Variants in SOX5 observed in about 807,000 individuals in gnomAD.
SOX5 encodes the protein SRY-box transcription factor 5, also known as transcription factor SOX-5.
Under a neutral mutation model 92.0 loss-of-function variants are expected in SOX5, and 9 were observed. The ratio of observed to expected loss-of-function variants is 0.10; its 90% CI spans 0.06 to 0.17. The LOEUF is 0.17. SOX5 is among the 10% of genes least tolerant of loss of function. The probability of loss-of-function intolerance (pLI) is 1.00; values close to 1 mark genes in which losing one functional copy is unlikely to be tolerated. For missense variants in SOX5, 642 were observed against 944.5 expected (o/e 0.68, Z 4.20); for synonymous variants, 344 against 336.3 (o/e 1.02, Z -0.25).
intron 4 of SOX5, among the ~76,000 whole-genome samples, chr12:23,985,176 T>C (rs1417696339): frequency 6.6e-6 from 1 of 152,120 alleles, no homozygotes; most frequent in East Asian, 1.9e-4. Context: ...ATAAAAATGG[T>C]TATATATTCT....
At chr12:24,265,666 T>C (rs1379553817) in intron 3 of SOX5, among the ~76,000 whole-genome samples, 3 of 152,232 alleles carry the variant, frequency 2.0e-5, no homozygotes, top group Admixed American at 6.5e-5. Flanking sequence ...AGCTGAAACA[T>C]ACAATTGAGA....
chr12:23,566,389 T>C (rs1947098534), intron 10 of SOX5, among the ~76,000 whole-genome samples: 1 of 152,210 alleles, frequency 6.6e-6, no homozygotes, highest in Admixed American at 6.5e-5. Context: ...TCTCTAGTTG[T>C]CGAATAAATC....
chr12:24,190,234 A>T (rs1162655738), intron 4 of SOX5, among the ~76,000 whole-genome samples: 1 of 152,182 alleles, frequency 6.6e-6, no homozygotes, highest in African/African-American at 2.4e-5. Context: ...TATGCTGGAA[A>T]TGGATCCGCT....
intron 2 of SOX5, among the ~76,000 whole-genome samples, chr12:24,333,655 T>C (rs1951575114): frequency 6.6e-6 from 1 of 151,996 alleles, no homozygotes; most frequent in African/African-American, 2.4e-5. Flanking sequence ...GATAACAGCT[T>C]TCTGTCTTAA....
chr12:24,194,820 C>A (rs976691538), intron 4 of SOX5, among the ~76,000 whole-genome samples: 3 of 152,072 alleles, frequency 2.0e-5, no homozygotes, highest in Non-Finnish European at 4.4e-5. Context: ...AAAAAAAATT[C>A]TCCCTTTGTA....
At chr12:24,369,052 GTCTT>G (rs558532488) in intron 1 of SOX5, among the ~76,000 whole-genome samples, 42 of 152,160 alleles carry the variant, frequency 2.8e-4, no homozygotes, top group Non-Finnish European at 5.7e-4. Flanking sequence ...TAACTGTAGT[GTCTT>G]TCTAATAATG....
intron 4 of SOX5, among the ~76,000 whole-genome samples, chr12:24,060,963 C>A (rs1476961352): frequency 1.3e-5 from 2 of 152,128 alleles, no homozygotes; most frequent in Non-Finnish European, 2.9e-5. Flanking sequence ...AAAACACCCC[C>A]TTCCTTTTTA....
At position 24,113,166 on chromosome 12, in the gene SOX5, A is replaced by G. The variant is rs576239382; in HGVS notation, c.-2+100177T>C. ...AGAGGAATTAATATATAATAAAATT[A>G]TATATTTATTTGAATATGTAAATGC... On this transcript the variant is annotated intron_variant, in intron 4 of 4. Transcript: ENST00000446891. Among the ~76,000 whole-genome samples, 215 of 150,250 alleles carry G rather than the reference A, an allele frequency of 1.4e-3. 1 individual carries two copies. Among genetic ancestry groups the G allele is most frequent in the African/African-American group, 4.8e-3 (196 of 41,246 alleles).
At chr12:24,422,493 T>C (rs1966080172) in intron 1 of SOX5, among the ~76,000 whole-genome samples, 1 of 152,174 alleles carries the variant, frequency 6.6e-6, no homozygotes, top group African/African-American at 2.4e-5. Flanking sequence ...AGCCATCATA[T>C]GTAAGATAAC....
chr12:23,799,443 G>T (rs2095623100), intron 3 of SOX5, among the ~76,000 whole-genome samples: 1 of 151,968 alleles, frequency 6.6e-6, no homozygotes, highest in Non-Finnish European at 1.5e-5. Context: ...TGCTTGATGT[G>T]TTTCGGGACA....
rs1486364469 is a variant in SOX5, at chr12:24,272,164, TAATA to T, written c.-77+5048_-77+5051del. Among the ~76,000 whole-genome samples, 13 of 152,194 alleles carry T rather than the reference TAATA, an allele frequency of 8.5e-5. No homozygotes were observed. The East Asian group carries it at 2.5e-3, about 29-fold the overall frequency. Reference sequence around the variant, plus strand: ...CATATCAGCCTTAGAAAATATTACTTAATAATGTTTCACAATTTTCCCCATAGAA... The same window carrying T: ...CATATCAGCCTTAGAAAATATTACTTATGTTTCACAATTTTCCCCATAGAA... On this transcript the variant is annotated intron_variant, in intron 3 of 4. Transcript: ENST00000446891.
intron 2 of SOX5, among the ~76,000 whole-genome samples, chr12:23,869,899 T>A (rs1394767844): frequency 6.6e-6 from 1 of 152,176 alleles, no homozygotes; most frequent in Non-Finnish European, 1.5e-5. Context: ...AAGACTTTTA[T>A]GTGTATCCAT....
Position 23,531,940 on chromosome 12 carries a change from T to C in SOX5, c.*2279A>G, listed in dbSNP as rs905706427. 7 of 150,462 alleles carry C rather than the reference T, an allele frequency of 4.7e-5. No homozygotes were observed. The highest frequency in any genetic ancestry group is 8.9e-5 in the Non-Finnish European group (6 of 67,710). 9.3% of individuals were successfully genotyped at this position (150,462 alleles called of 1,614,324 possible). A position where few individuals can be genotyped will look rare whatever the true frequency, so the allele number is the denominator to read the frequency against. On this transcript the variant is annotated 3_prime_UTR_variant, in exon 15 of 15. Coordinates refer to ENST00000451604, the MANE Select transcript of SOX5 (RefSeq NM_006940.6). ...ATGTGTGTATATATATGTATATATATATATACATATACATACATATATGAG... is the reference window on the plus strand; with the variant it reads ...ATGTGTGTATATATATGTATATATACATATACATATACATACATATATGAG...
At chr12:24,379,886 TCTTCAGATGGGTTTAGA>T (rs1957654534) in intron 1 of SOX5, among the ~76,000 whole-genome samples, 4 of 151,818 alleles carry the variant, frequency 2.6e-5, no homozygotes, top group South Asian at 2.1e-4. Context: ...CTTTTTTTTT[TCTTCAGATGGGTTTAGA>T]TTTATTCTTC....
chr12:23,658,603 C>A (rs999559637), intron 7 of SOX5, among the ~76,000 whole-genome samples: 1 of 152,096 alleles, frequency 6.6e-6, no homozygotes, highest in Non-Finnish European at 1.5e-5. Flanking sequence ...ACAAAAAATA[C>A]AGAAACCAGC....
At chr12:24,442,250 TC>T (rs1940734154) in intron 1 of SOX5, among the ~76,000 whole-genome samples, 1 of 152,184 alleles carries the variant, frequency 6.6e-6, no homozygotes, top group Non-Finnish European at 1.5e-5. Flanking sequence ...TCCTGTTAGG[TC>T]AGTTTCCATG....
At chr12:23,825,079 C>G (rs1195654270) in intron 3 of SOX5, among the ~76,000 whole-genome samples, 1 of 152,122 alleles carries the variant, frequency 6.6e-6, no homozygotes, top group Non-Finnish European at 1.5e-5. Flanking sequence ...TAGCTTCAGC[C>G]CCCTTTCCAG....
chr12:23,761,331 C>T (rs1457086837), intron 3 of SOX5, among the ~76,000 whole-genome samples: 1 of 152,100 alleles, frequency 6.6e-6, no homozygotes, highest in Non-Finnish European at 1.5e-5. Flanking sequence ...GATTGTCATG[C>T]AAATCTAATT....
At chr12:24,293,779 A>C (rs1946881243) in intron 2 of SOX5, among the ~76,000 whole-genome samples, 1 of 152,198 alleles carries the variant, frequency 6.6e-6, no homozygotes, top group African/African-American at 2.4e-5. Context: ...TGGCATACTG[A>C]TACCAGTTTC....
Sources: gnomAD v4.1 joint callset for allele counts (sites outside exome capture counted in the v4.1 genomes callset) on GRCh38, gnomAD v4.1.1 for gene constraint, MANE v1.5 for transcripts, NCBI Gene and HGNC (gene_info 2026-07-23, HGNC 2026-07-21) for gene names.